PTPRG: variants seen among roughly 807,000 people sequenced by gnomAD.
PTPRG encodes protein tyrosine phosphatase receptor type G.
PTPRG carries 102 observed loss-of-function variants against 165.3 expected under a neutral mutation model. The ratio of observed to expected loss-of-function variants is 0.62; its 90% CI spans 0.53 to 0.73. The LOEUF (loss-of-function observed/expected upper bound fraction) is 0.73. Ranked by LOEUF, PTPRG falls within the 30% of genes least tolerant of loss-of-function variation. PTPRG has a pLI of 0.00. For missense variants in PTPRG, 1,866 were observed against 1,861.4 expected, an observed-to-expected ratio of 1.00 and a Z score of -0.05; for synonymous variants, 675 against 669.5, an observed-to-expected ratio of 1.01 and a Z score of -0.13.
chr3:61,672,881 C>T (rs4452322), intron 1 of PTPRG, among the ~76,000 whole-genome samples: 1 of 151,446 alleles, frequency 6.6e-6, no homozygotes, highest in Admixed American at 6.6e-5. Flanking sequence ...AGTTGGGACC[C>T]GGTGTGGGGG....
At chr3:61,750,022 A>G (rs544790267) in intron 2 of PTPRG, 5 of 152,272 alleles carry the variant, frequency 3.3e-5, no homozygotes, top group East Asian at 3.9e-4. Flanking sequence ...CCTTTTGTCT[A>G]TTGATAAATC....
chr3:62,014,884 G>C (rs2041503928), intron 4 of PTPRG, among the ~76,000 whole-genome samples: 1 of 152,186 alleles, frequency 6.6e-6, no homozygotes, highest in South Asian at 2.1e-4. Flanking sequence ...TAAATTATCT[G>C]CCTAAAAGTT....
chr3:62,209,204 G>T (rs769632310), intron 12 of PTPRG, among the ~76,000 whole-genome samples: 4 of 152,170 alleles, frequency 2.6e-5, no homozygotes, highest in Non-Finnish European at 4.4e-5. Context: ...GGAGCATCTG[G>T]AGACATTTTT....
intron 1 of PTPRG, among the ~76,000 whole-genome samples, chr3:61,732,738 A>G (rs1325350205): frequency 8.6e-6 from 1 of 116,088 alleles, no homozygotes; most frequent in Non-Finnish European, 1.7e-5. Flanking sequence ...ATAAATAAAT[A>G]AATAAATAAA....
intron 2 of PTPRG, among the ~76,000 whole-genome samples, chr3:61,892,253 G>A (rs1025497075): frequency 6.6e-6 from 1 of 152,166 alleles, no homozygotes; most frequent in Non-Finnish European, 1.5e-5. Context: ...TTGAGACAGA[G>A]TCTTGCTTTG....
At chr3:62,280,647 C>A (rs776831511) in intron 26 of PTPRG, among the ~76,000 whole-genome samples, 1 of 151,964 alleles carries the variant, frequency 6.6e-6, no homozygotes, top group Non-Finnish European at 1.5e-5. Context: ...GGAAAACTGT[C>A]TGGAGGTTTC....
chr3:61,709,431 C>A (rs758415496), intron 1 of PTPRG, among the ~76,000 whole-genome samples: 2 of 152,090 alleles, frequency 1.3e-5, no homozygotes, highest in Admixed American at 6.5e-5. Context: ...TCTCCTGCCT[C>A]ACCCTTCCGA....
chr3:62,122,920 C>A lies in PTPRG; in HGVS notation c.616-9682C>A, dbSNP rs956302450. ...TCATTACAGAAGCCAGGGCCCCCAACCTGTCTTGTGGGAGCTAGAACTAGA... is the reference window on the plus strand; with the variant it reads ...TCATTACAGAAGCCAGGGCCCCCAAACTGTCTTGTGGGAGCTAGAACTAGA... On this transcript the variant is annotated intron_variant, in intron 5 of 29. Coordinates refer to ENST00000474889, the MANE Select transcript of PTPRG (RefSeq NM_002841.4). Among the ~76,000 whole-genome samples the A allele has an allele frequency of 7.9e-5, 12 of 152,118 alleles. No individual in the cohort carries two copies. The South Asian group carries it at 1.4e-3, about 18-fold the overall frequency.
intron 17 of PTPRG, among the ~76,000 whole-genome samples, chr3:62,266,575 G>A (rs1202357961): frequency 1.3e-5 from 2 of 151,926 alleles, no homozygotes; most frequent in Non-Finnish European, 2.9e-5. Flanking sequence ...AACAAAAACA[G>A]TTCACAGTTC....
chr3:62,106,500 A>G (rs1414747598), intron 5 of PTPRG, among the ~76,000 whole-genome samples: 1 of 127,064 alleles, frequency 7.9e-6, no homozygotes, highest in Non-Finnish European at 1.6e-5. Context: ...AAACTCTTAA[A>G]GGCTTTTTTT....
At chr3:61,833,816 C>T (rs1004509321) in intron 2 of PTPRG, among the ~76,000 whole-genome samples, 3 of 152,136 alleles carry the variant, frequency 2.0e-5, no homozygotes, top group East Asian at 1.9e-4. Flanking sequence ...GTGCCCGCCT[C>T]GGCCTCCCAA....
chr3:62,021,857 CT>C (rs398062374), intron 4 of PTPRG, among the ~76,000 whole-genome samples: 18,542 of 97,370 alleles, frequency 0.19, 1,244 homozygotes, highest in African/African-American at 0.27. Context: ...TTTTCCTTTT[CT>C]TTTTTTTTTT....
intron 2 of PTPRG, among the ~76,000 whole-genome samples, chr3:61,967,241 T>C (rs895780874): frequency 6.6e-6 from 1 of 152,214 alleles, no homozygotes; most frequent in Non-Finnish European, 1.5e-5. Flanking sequence ...GCACATCTGG[T>C]TGGGAGATGG....
chr3:61,693,921 T>A (rs1317886142), intron 1 of PTPRG, among the ~76,000 whole-genome samples: 1 of 148,596 alleles, frequency 6.7e-6, no homozygotes, highest in African/African-American at 2.5e-5. Context: ...GGCAGGAGAA[T>A]CGCTTGAACC....
intron 2 of PTPRG, among the ~76,000 whole-genome samples, chr3:61,940,929 G>A (rs548782378): frequency 8.6e-5 from 13 of 151,874 alleles, no homozygotes; most frequent in Non-Finnish European, 1.9e-4. Flanking sequence ...CTCCCAAAGT[G>A]CTGCGTTAGA....
At chr3:62,102,702 C>T (rs764146361) in intron 5 of PTPRG, among the ~76,000 whole-genome samples, 1 of 152,062 alleles carries the variant, frequency 6.6e-6, no homozygotes, top group South Asian at 2.1e-4. Context: ...TACTCTCTGC[C>T]GGTGACCCCT....
rs2041021066 is a variant in PTPRG, at chr3:61,995,687, CCTTCCTTCCTTCCTTCCTTCCTTCCT to C, written c.370+5884_370+5909del. Among the ~76,000 whole-genome samples the C allele has an allele frequency of 2.6e-3, 229 of 88,354 alleles. 5 individuals are homozygous for C. The highest frequency in any genetic ancestry group is 8.8e-3 in the African/African-American group (211 of 23,992). The allele number at this position is 88,354 out of a possible 152,430, so 58.0% of individuals were successfully genotyped here. A position where few individuals can be genotyped will look rare whatever the true frequency, so the allele number is the denominator to read the frequency against. On this transcript the variant is annotated intron_variant, in intron 3 of 29. Transcript: ENST00000474889. Reference sequence around the variant, plus strand: ...TTCCGCCTGCCTGCCCGCCCGCCTTCCTTCCTTCCTTCCTTCCTTCCTTCCTTCCTTCCTTCCTTCCTTCCTTCCTT... The same window carrying C: ...TTCCGCCTGCCTGCCCGCCCGCCTTCTCCTTCCTTCCTTCCTTCCTTCCTT...
intron 17 of PTPRG, chr3:62,263,135 G>A (rs760282266): frequency 9.8e-5 from 40 of 406,996 alleles, no homozygotes; most frequent in Middle Eastern, 1.3e-3. Context: ...AATGTTTGGA[G>A]CTTCGCTATT....
intron 1 of PTPRG, among the ~76,000 whole-genome samples, chr3:61,649,146 A>T (rs2886511): frequency 1.3e-5 from 2 of 149,184 alleles, no homozygotes; most frequent in African/African-American, 2.5e-5. Context: ...TTCCCTTTTC[A>T]CTTCCCTCCC....
Sources: allele counts gnomAD v4.1 joint callset (sites outside exome capture counted in the v4.1 genomes callset), GRCh38; gene constraint gnomAD v4.1.1; transcripts MANE v1.5; gene names NCBI Gene and HGNC (gene_info 2026-07-23, HGNC 2026-07-21).